Variants in PRDM11 observed in about 807,000 individuals in gnomAD.
PRDM11 encodes the protein PR/SET domain 11.
In PRDM11, 20 loss-of-function variants were observed where a neutral mutation model predicts 97.8. The observed-to-expected ratio is 0.20, with a 90% CI of 0.14 to 0.30. PRDM11 has a LOEUF of 0.30. Among genes scored for constraint, PRDM11 ranks in the 10% least tolerant of loss-of-function variants. The probability of loss-of-function intolerance (pLI) is 1.00; values close to 1 mark genes in which losing one functional copy is unlikely to be tolerated. For missense variants in PRDM11, 1,139 were observed against 1,555.2 expected (o/e 0.73, Z 4.50); for synonymous variants, 599 against 637.7 (o/e 0.94, Z 0.91).
chr11:45,183,688 G>T (rs1387213147), intron 4 of PRDM11, among the ~76,000 whole-genome samples: 1 of 152,200 alleles, frequency 6.6e-6, no homozygotes, highest in Non-Finnish European at 1.5e-5. Flanking sequence ...AGGAAGAGGG[G>T]TTTTCAAGGG....
chr11:45,135,737 T>C (rs971643204), intron 1 of PRDM11, among the ~76,000 whole-genome samples: 1 of 152,192 alleles, frequency 6.6e-6, no homozygotes, highest in African/African-American at 2.4e-5. Context: ...ATGTCAATTC[T>C]CCTCAAATTA....
At chr11:45,210,828 C>A (rs866870179) in intron 5 of PRDM11, among the ~76,000 whole-genome samples, 3 of 152,208 alleles carry the variant, frequency 2.0e-5, no homozygotes, top group Non-Finnish European at 4.4e-5. Flanking sequence ...CTGCTGGCTT[C>A]CTGTGAATCA....
intron 1 of PRDM11, among the ~76,000 whole-genome samples, chr11:45,115,082 T>C (rs2135615407): frequency 6.6e-6 from 1 of 152,198 alleles, no homozygotes; most frequent in African/African-American, 2.4e-5. Flanking sequence ...CTAAAAAAGA[T>C]ATAATTATTT....
intron 1 of PRDM11, among the ~76,000 whole-genome samples, chr11:45,124,404 C>A (rs979994644): frequency 4.6e-5 from 7 of 152,150 alleles, no homozygotes; most frequent in African/African-American, 1.7e-4. Context: ...TGAGAGAGGG[C>A]ATCCCTGTCT....
chr11:45,145,702 G>T (rs935931888), upstream of PRDM11, among the ~76,000 whole-genome samples: 1 of 152,180 alleles, frequency 6.6e-6, no homozygotes, highest in African/African-American at 2.4e-5. Context: ...ACTTGTAGAG[G>T]ACGCCACGAG....
At position 45,149,784 on chromosome 11, in the gene PRDM11, A is replaced by G. The variant is rs185969787; in HGVS notation, c.-7+2907A>G. ...AAGCCCTTGGTGACCCATGATGGAC[A>G]TGCAACATGAGTGAAAACTAAACCT... On this transcript the variant is annotated intron_variant, in intron 1 of 7. Coordinates refer to ENST00000683152, the MANE Select transcript of PRDM11 (RefSeq NM_001384648.1). Among the ~76,000 whole-genome samples, 19 of 152,364 alleles carry G rather than the reference A, an allele frequency of 1.2e-4. 1 individual carries two copies. The highest frequency in any genetic ancestry group is 1.2e-3 in the East Asian group (6 of 5,180).
At chr11:45,209,037 C>G (rs1395024426) in intron 5 of PRDM11, 7 of 456,546 alleles carry the variant, frequency 1.5e-5, no homozygotes, top group Non-Finnish European at 3.1e-5. Flanking sequence ...AGGCATAGCC[C>G]GGAAAATCAC....
intron 4 of PRDM11, among the ~76,000 whole-genome samples, chr11:45,196,908 T>TATC: frequency 6.6e-6 from 1 of 152,364 alleles, no homozygotes; most frequent in South Asian, 2.1e-4. Context: ...CCAGTGGTTT[T>TATC]ATCCATAAAA....
intron 1 of PRDM11, among the ~76,000 whole-genome samples, chr11:45,161,079 A>G (rs1463968809): frequency 6.6e-6 from 1 of 152,192 alleles, no homozygotes; most frequent in Non-Finnish European, 1.5e-5. Context: ...TACTCTGGGA[A>G]TGCCACATAA....
intron 5 of PRDM11, among the ~76,000 whole-genome samples, chr11:45,210,485 G>T (rs982442603): frequency 1.3e-5 from 2 of 152,208 alleles, no homozygotes; most frequent in Non-Finnish European, 2.9e-5. Flanking sequence ...CCCGCCAGCT[G>T]CAGTCCCCAC....
intron 5 of PRDM11, among the ~76,000 whole-genome samples, chr11:45,208,585 A>T (rs1010563879): frequency 6.6e-6 from 1 of 152,212 alleles, no homozygotes; most frequent in African/African-American, 2.4e-5. Flanking sequence ...TGAAAGGTTG[A>T]ACATGAACTG....
intron 1 of PRDM11, among the ~76,000 whole-genome samples, chr11:45,131,372 G>A (rs986502104): frequency 3.9e-5 from 6 of 152,150 alleles, no homozygotes; most frequent in African/African-American, 1.4e-4. Context: ...CTGTATATAC[G>A]TTATACTTCA....
At chr11:45,179,558 T>A (rs1302573762) in intron 1 of PRDM11, among the ~76,000 whole-genome samples, 1 of 152,214 alleles carries the variant, frequency 6.6e-6, no homozygotes, top group South Asian at 2.1e-4. Flanking sequence ...AAGATCAGAA[T>A]GCCAGCCTAT....
rs561847464 is a variant in PRDM11, at chr11:45,160,242, C to G, written c.-7+13365C>G. On this transcript the variant is annotated intron_variant, in intron 1 of 7. Transcript: ENST00000683152. ...TGGCATGCCTCCAGGGACTGGTAGC[C>G]CACTGGTTCCCAAGGCAGCTCATTG... 5.3e-5 allele frequency among the ~76,000 whole-genome samples: 8 copies of G among 152,254 alleles called. No homozygotes were observed. The East Asian group carries it at 1.3e-3, about 26-fold the overall frequency.
At chr11:45,148,293 G>A (rs1483281252) in intron 1 of PRDM11, among the ~76,000 whole-genome samples, 1 of 152,092 alleles carries the variant, frequency 6.6e-6, no homozygotes, top group African/African-American at 2.4e-5. Flanking sequence ...GTTGTCTTTG[G>A]CCTCTCTGAG....
chr11:45,189,312 C>T (rs1284597906), intron 4 of PRDM11, among the ~76,000 whole-genome samples: 1 of 152,118 alleles, frequency 6.6e-6, no homozygotes, highest in African/African-American at 2.4e-5. Context: ...CATATTAAAA[C>T]TGGGAGAGAG....
At chr11:45,127,763 A>G (rs902313384) in intron 1 of PRDM11, among the ~76,000 whole-genome samples, 1 of 152,132 alleles carries the variant, frequency 6.6e-6, no homozygotes, top group African/African-American at 2.4e-5. Flanking sequence ...GTCTGCCCCT[A>G]CCGGGGGGTG....
At chr11:45,146,964 G>A (rs1251785642) in intron 1 of PRDM11, 87 bp downstream of exon 1, 3 of 146,322 alleles carry the variant, frequency 2.1e-5, no homozygotes, top group Non-Finnish European at 3.0e-5. Context: ...GGGGCCGCCG[G>A]TGCGGGGGCC....
At chr11:45,150,606 C>T (rs140741789) in intron 1 of PRDM11, among the ~76,000 whole-genome samples, 3 of 152,240 alleles carry the variant, frequency 2.0e-5, no homozygotes, top group African/African-American at 7.2e-5. Context: ...ACAGATGGTA[C>T]GTTCCCCATC....
Sources: allele counts gnomAD v4.1 joint callset (sites outside exome capture counted in the v4.1 genomes callset), GRCh38; gene constraint gnomAD v4.1.1; transcripts MANE v1.5; gene names NCBI Gene and HGNC (gene_info 2026-07-23, HGNC 2026-07-21).